The following PLCZ1 variants were observed in gnomAD, a reference collection of about 807,000 sequenced individuals.
PLCZ1 encodes the protein phospholipase C zeta 1, also known as 1-phosphatidylinositol 4,5-bisphosphate phosphodiesterase zeta-1.
Under a neutral mutation model 76.8 loss-of-function variants are expected in PLCZ1, and 64 were observed. The ratio of observed to expected loss-of-function variants is 0.83; its 90% CI spans 0.68 to 1.03. PLCZ1 has a LOEUF of 1.03. Among genes scored for constraint, PLCZ1 ranks in the 50% least tolerant of loss-of-function variants. The pLI is 0.00. For synonymous variants in PLCZ1, 248 were observed against 230.8 expected (o/e 1.07, Z -0.68); for missense variants, 751 against 713.7 (o/e 1.05, Z -0.60).
chr12:18,699,395 G>C (rs941966401), intron 10 of PLCZ1, among the ~76,000 whole-genome samples: 1 of 152,166 alleles, frequency 6.6e-6, no homozygotes, highest in Non-Finnish European at 1.5e-5. Context: ...TTTAGAAATA[G>C]AGTGGATCAT....
the PLCZ1 span, among the ~76,000 whole-genome samples, chr12:18,667,021 T>C: frequency 3.9e-5 from 6 of 152,176 alleles, no homozygotes; most frequent in Admixed American, 2.6e-4. Flanking sequence ...TTCTCAATAA[T>C]GGTGTAGGCT....
At chr12:18,673,691 C>G in the PLCZ1 span, among the ~76,000 whole-genome samples, 3 of 152,222 alleles carry the variant, frequency 2.0e-5, no homozygotes, top group Non-Finnish European at 4.4e-5. Flanking sequence ...CTCTGATTCA[C>G]TGTCTCTCAC....
At chr12:18,715,524 C>T (rs1474005427) in intron 5 of PLCZ1, among the ~76,000 whole-genome samples, 3 of 151,944 alleles carry the variant, frequency 2.0e-5, no homozygotes, top group Non-Finnish European at 4.4e-5. Flanking sequence ...GCCTCAGCCC[C>T]CTGAGTAGCT....
chr12:18,651,777 C>A, the PLCZ1 span, among the ~76,000 whole-genome samples: 2 of 152,176 alleles, frequency 1.3e-5, no homozygotes, highest in African/African-American at 4.8e-5. Context: ...AGGCTCCTTG[C>A]AGGGTATATG....
chr12:18,650,347 A>ATG, the PLCZ1 span, among the ~76,000 whole-genome samples: 2,435 of 113,240 alleles, frequency 0.022, 22 homozygotes, highest in Non-Finnish European at 0.028. Context: ...ATATATATAT[A>ATG]TGTGTGTGTG....
intron 5 of PLCZ1, among the ~76,000 whole-genome samples, chr12:18,716,283 G>C (rs1158809020): frequency 6.6e-6 from 1 of 151,978 alleles, no homozygotes; most frequent in Non-Finnish European, 1.5e-5. Flanking sequence ...TATTGTGAAA[G>C]AAAACTTTTC....
rs372779333 is a variant in PLCZ1 at position 18,736,210 on chromosome 12, T to A, written c.135+11A>T. 11 of 1,611,386 alleles carry A rather than the reference T, an allele frequency of 6.8e-6. No individual in the cohort carries two copies. In the African/African-American group the frequency reaches 1.5e-4, roughly 22 times the overall value. On this transcript the variant is annotated intron_variant, in intron 3 of 14. Transcript: ENST00000266505. ...TAGGATAGGATAGGCAGGGGGTGGA[T>A]GTCATCTTACCTTAAAAATCTGTTT... is the stretch of plus-strand genomic sequence containing the variant.
chr12:18,736,625 C>T, intron 2 of PLCZ1: 1 of 1,301,998 alleles, frequency 7.7e-7, no homozygotes, highest in Non-Finnish European at 1.0e-6. Context: ...TACATTAAAA[C>T]ATTATAACAA....
intron 12 of PLCZ1, chr12:18,692,977 G>C: frequency 1.4e-6 from 2 of 1,427,582 alleles, no homozygotes; most frequent in East Asian, 4.6e-5. Context: ...AAGTTAGAGA[G>C]AATTAAAGAC....
chr12:18,672,387 G>A, the PLCZ1 span, among the ~76,000 whole-genome samples: 1 of 152,070 alleles, frequency 6.6e-6, no homozygotes, highest in South Asian at 2.1e-4. Context: ...ATTATGTTAT[G>A]TGCTCATTTA....
chr12:18,724,458 A>G (rs1023872084), intron 3 of PLCZ1, among the ~76,000 whole-genome samples: 2 of 152,152 alleles, frequency 1.3e-5, no homozygotes, highest in African/African-American at 4.8e-5. Flanking sequence ...AATTTTTTAA[A>G]AAATGCTTTT....
At chr12:18,651,491 A>G in the PLCZ1 span, among the ~76,000 whole-genome samples, 10 of 152,300 alleles carry the variant, frequency 6.6e-5, no homozygotes, top group Middle Eastern at 3.4e-3. Context: ...AATTAGCCAT[A>G]AGACTATCAG....
chr12:18,657,250 G>A, the PLCZ1 span, among the ~76,000 whole-genome samples: 16 of 152,260 alleles, frequency 1.1e-4, no homozygotes, highest in South Asian at 6.2e-4. Context: ...ACCTGGGGGC[G>A]AAAGACTGGG....
intron 12 of PLCZ1, 127 bp from the exon 13 acceptor site, chr12:18,688,345 G>T: frequency 1.1e-6 from 1 of 932,426 alleles, no homozygotes; most frequent in Non-Finnish European, 1.6e-6. Flanking sequence ...AACATTGAAA[G>T]TGGAATACAA....
At chr12:18,693,899 G>C in intron 12 of PLCZ1, 1 of 1,529,178 alleles carries the variant, frequency 6.5e-7, no homozygotes, top group East Asian at 2.3e-5. Context: ...GATGACGCTG[G>C]CTGATGATGT....
the PLCZ1 span, among the ~76,000 whole-genome samples, chr12:18,670,906 G>C: frequency 3.9e-5 from 6 of 152,074 alleles, no homozygotes; most frequent in African/African-American, 7.2e-5. Context: ...GTTTCGGCCG[G>C]GCACAGTGGC....
chr12:18,683,294 A>G lies in PLCZ1; in HGVS notation c.1772T>C (p.Met591Thr), dbSNP rs772949794. 3.7e-6 allele frequency: 6 copies of G among 1,612,614 alleles called. No homozygotes were observed. Among genetic ancestry groups the G allele is most frequent in the East Asian group, 4.5e-5 (2 of 44,822 alleles). The change falls in exon 15 of 15, where the codon ATG (methionine) becomes ACG (threonine). Residue 591 changes from methionine to threonine, a missense_variant. By Grantham distance (81) the Met-to-Thr change is moderately conservative. Coordinates refer to ENST00000266505, the MANE Select transcript of PLCZ1 (RefSeq NM_033123.4). ...TGAAGCAGGCTCAAGGCTCTCACCCATTCTGGAAAACAGAGGAATACGACG... is the reference window on the plus strand; with the variant it reads ...TGAAGCAGGCTCAAGGCTCTCACCCGTTCTGGAAAACAGAGGAATACGACG... ...GYRRIPLFSR[M>T]GESLEPASLF...
At chr12:18,671,478 C>T in the PLCZ1 span, among the ~76,000 whole-genome samples, 2 of 152,032 alleles carry the variant, frequency 1.3e-5, no homozygotes, top group African/African-American at 2.4e-5. Context: ...TAAAGAAGAT[C>T]ACACATGAGA....
chr12:18,713,996 C>A lies in PLCZ1; in HGVS notation c.570-1010G>T, dbSNP rs115185711. 7.1e-3 allele frequency among the ~76,000 whole-genome samples: 1,085 copies of A among 152,206 alleles called. 11 individuals are homozygous for A. The highest frequency in any genetic ancestry group is 0.025 in the African/African-American group (1,052 of 41,520). On this transcript the variant is annotated intron_variant, in intron 5 of 14. Transcript: ENST00000266505. ...TTTATTTACTCTGTGTCAGTGGAAG[C>A]TGATTGCATTCAGATTTTTCACTGA...
Sources: allele counts gnomAD v4.1 joint callset (sites outside exome capture counted in the v4.1 genomes callset), GRCh38; gene constraint gnomAD v4.1.1; transcripts MANE v1.5; gene names NCBI Gene and HGNC (gene_info 2026-07-23, HGNC 2026-07-21).